The following DMD variants were observed in gnomAD, a reference collection of about 807,000 sequenced individuals.
DMD encodes dystrophin.
Under a neutral mutation model 330.1 loss-of-function variants are expected in DMD, and 63 were observed. The observed-to-expected ratio is 0.19, with a 90% CI of 0.16 to 0.24. The LOEUF is 0.24. Ranked by LOEUF, DMD falls within the 10% of genes least tolerant of loss-of-function variation. The probability of loss-of-function intolerance (pLI) is 1.00; values close to 1 mark genes in which losing one functional copy is unlikely to be tolerated. For missense variants in DMD, 3,344 were observed against 2,684.1 expected, an observed-to-expected ratio of 1.25 and a Z score of -5.43; for synonymous variants, 1,223 against 959.8, an observed-to-expected ratio of 1.27 and a Z score of -5.07.
chrX:32,715,409 G>A (rs1319929468), intron 7 of DMD, among the ~76,000 whole-genome samples: 1 of 102,508 alleles, frequency 9.8e-6, no homozygotes, highest in East Asian at 3.1e-4. Context: ...GCCAGGAAGT[G>A]GAGGTTGCAG....
intron 1 of DMD, among the ~76,000 whole-genome samples, chrX:33,269,455 G>T (rs1041093281): frequency 6.3e-5 from 7 of 110,945 alleles, no homozygotes; most frequent in African/African-American, 2.0e-4. Context: ...GGGACCGGCG[G>T]GGAAGGAGTT....
At chrX:31,591,893 T>C in intron 55 of DMD, among the ~76,000 whole-genome samples, 1 of 111,087 alleles carries the variant, frequency 9.0e-6, no homozygotes. Context: ...GCAAGTTCTA[T>C]TAAAGTAGTT....
chrX:32,606,069 G>A (rs1046139380), intron 12 of DMD, among the ~76,000 whole-genome samples: 1 of 110,091 alleles, frequency 9.1e-6, no homozygotes, highest in African/African-American at 3.3e-5. Flanking sequence ...ATTGTAAAAT[G>A]TACAAGTTAT....
chrX:31,248,119 T>A (rs2049003213), intron 63 of DMD, among the ~76,000 whole-genome samples: 1 of 112,449 alleles, frequency 8.9e-6, no homozygotes, highest in Non-Finnish European at 1.9e-5. Flanking sequence ...TTAGCTTTTT[T>A]AACAATAAAG....
chrX:31,311,240 T>C (rs2055495417), intron 62 of DMD, among the ~76,000 whole-genome samples: 1 of 109,634 alleles, frequency 9.1e-6, no homozygotes, highest in Non-Finnish European at 1.9e-5. Context: ...GATGAGACGA[T>C]CTGTTCTGGA....
chrX:31,877,771 T>C (rs949426440), intron 47 of DMD, among the ~76,000 whole-genome samples: 3 of 111,538 alleles, frequency 2.7e-5, no homozygotes, highest in Non-Finnish European at 5.6e-5. Context: ...ATACATGATC[T>C]AATGATGTCC....
intron 7 of DMD, among the ~76,000 whole-genome samples, chrX:32,705,469 T>C (rs760529999): frequency 8.9e-6 from 1 of 112,093 alleles, no homozygotes; most frequent in South Asian, 3.7e-4. Flanking sequence ...TTCAACATGC[T>C]TATGGTGTAA....
chrX:32,591,640 T>G (rs1046695637), intron 13 of DMD, among the ~76,000 whole-genome samples: 2 of 112,508 alleles, frequency 1.8e-5, no homozygotes, highest in Non-Finnish European at 3.8e-5. Context: ...AGATGCCAGC[T>G]GCAGCAAGGG....
intron 52 of DMD, among the ~76,000 whole-genome samples, chrX:31,689,828 C>T (rs1294818312): frequency 4.5e-5 from 5 of 111,456 alleles, no homozygotes; most frequent in Non-Finnish European, 7.5e-5. Flanking sequence ...CATCTACAAC[C>T]ATCTGATCTT....
chrX:31,926,218 T>C (rs1204270511), intron 47 of DMD, among the ~76,000 whole-genome samples: 2 of 111,574 alleles, frequency 1.8e-5, no homozygotes, highest in Admixed American at 9.6e-5. Flanking sequence ...TCAAGTTATG[T>C]ATTAGACAAG....
chrX:31,187,034 C>A (rs2041838617), intron 67 of DMD, among the ~76,000 whole-genome samples: 1 of 112,804 alleles, frequency 8.9e-6, no homozygotes, highest in Non-Finnish European at 1.9e-5. Context: ...CAGAGTTAAA[C>A]CACTGGAGTT....
intron 1 of DMD, among the ~76,000 whole-genome samples, chrX:33,218,796 G>A (rs1189641615): frequency 5.4e-5 from 6 of 111,056 alleles, no homozygotes; most frequent in African/African-American, 2.0e-4. Context: ...TTTAAAAATC[G>A]TTTTTTTCCT....
At chrX:31,764,571 C>T (rs2089865695) in intron 51 of DMD, among the ~76,000 whole-genome samples, 1 of 111,961 alleles carries the variant, frequency 8.9e-6, no homozygotes, top group Admixed American at 9.5e-5. Flanking sequence ...TCTCCACTTT[C>T]TTAAGTATAG....
intron 52 of DMD, among the ~76,000 whole-genome samples, chrX:31,691,738 C>T (rs183221357): frequency 1.6e-3 from 182 of 111,947 alleles, no homozygotes; most frequent in Non-Finnish European, 2.5e-3. Flanking sequence ...ATCAAGAGGA[C>T]ATAACAAGTA....
chrX:32,938,963 A>G (rs1168749504), intron 2 of DMD, among the ~76,000 whole-genome samples: 1 of 110,835 alleles, frequency 9.0e-6, no homozygotes, highest in African/African-American at 3.3e-5. Context: ...GAGAAAAAAA[A>G]TAGTTGTTGC....
intron 76 of DMD, among the ~76,000 whole-genome samples, chrX:31,141,731 T>C (rs1405942108): frequency 9.0e-6 from 1 of 111,294 alleles, no homozygotes; most frequent in African/African-American, 3.3e-5. Context: ...GATTTCAGAT[T>C]AGGCTATATT....
chrX:31,402,291 A>T (rs1428435557), intron 60 of DMD, among the ~76,000 whole-genome samples: 1 of 112,005 alleles, frequency 8.9e-6, no homozygotes, highest in African/African-American at 3.2e-5. Context: ...ATTGGATGTC[A>T]GGCAGGGTGG....
intron 13 of DMD, among the ~76,000 whole-genome samples, chrX:32,579,675 A>G (rs1017774915): frequency 8.9e-6 from 1 of 112,927 alleles, no homozygotes. Flanking sequence ...TTAATGTTAT[A>G]ATTTGATTCA....
intron 47 of DMD, among the ~76,000 whole-genome samples, chrX:31,921,410 C>G (rs2094688180): frequency 9.0e-6 from 1 of 111,513 alleles, no homozygotes; most frequent in African/African-American, 3.3e-5. Context: ...TGAAAATCCT[C>G]TGTGCCTTCC....
Sources: gnomAD v4.1 joint callset for allele counts (sites outside exome capture counted in the v4.1 genomes callset) on GRCh38, gnomAD v4.1.1 for gene constraint, MANE v1.5 for transcripts, NCBI Gene and HGNC (gene_info 2026-07-23, HGNC 2026-07-21) for gene names.